Variants in CYP1A2 observed in about 807,000 individuals in gnomAD.
The protein encoded by CYP1A2 is cytochrome P450 1A2.
Under a neutral mutation model 34.7 loss-of-function variants are expected in CYP1A2, and 35 were observed. The ratio of observed to expected loss-of-function variants is 1.01; its 90% CI spans 0.77 to 1.34. The LOEUF is 1.34. Among genes scored for constraint, CYP1A2 ranks in the 40% most tolerant of loss-of-function variants. CYP1A2 has a pLI of 0.00. For synonymous variants in CYP1A2, 288 were observed against 281.9 expected (o/e 1.02, Z -0.22); for missense variants, 675 against 675.8 (o/e 1.00, Z 0.01).
chr15:74,752,041 G>C (rs1269150457), intron 4 of CYP1A2, 83 bp from the exon 5 acceptor site: 1 of 1,584,710 alleles, frequency 6.3e-7, no homozygotes, highest in East Asian at 2.2e-5. Context: ...TCTTACATAA[G>C]AGTGACATGG....
chr15:74,754,921 G>T lies in CYP1A2; in HGVS notation c.1384G>T (p.Val462Phe). The T allele has an allele frequency of 1.9e-6, 3 of 1,614,272 alleles. No homozygotes were observed. Among genetic ancestry groups the T allele is most frequent in the African/African-American group, 1.3e-5 (1 of 75,068 alleles). Residue 462 changes from valine (V) to phenylalanine (F), a missense_variant, in exon 7 of 7, where the codon GTC becomes TTC. By Grantham distance (50) the Val-to-Phe change is conservative. Coordinates refer to ENST00000343932, the MANE Select transcript of CYP1A2 (RefSeq NM_000761.5). ...GGGCAAGCGCCGGTGTATCGGGGAA[G>T]TCCTGGCCAAGTGGGAGATCTTCCT... ...GMGKRRCIGEVLAKWEIFLFL... is the reference protein window; with the variant it reads ...GMGKRRCIGEFLAKWEIFLFL...
chr15:74,750,916 G>A (rs548871877), intron 2 of CYP1A2, among the ~76,000 whole-genome samples: 1 of 152,200 alleles, frequency 6.6e-6, no homozygotes, highest in Non-Finnish European at 1.5e-5. Flanking sequence ...CTGGTGTCAC[G>A]TTGCTTCCCT....
At position 74,750,179 on chromosome 15, in the gene CYP1A2, C is replaced by T. The variant is rs768884287; in HGVS notation, c.441C>T (p.Phe147=). 1 of 1,614,182 alleles carries T rather than the reference C, an allele frequency of 6.2e-7. No individual in the cohort carries two copies. Among genetic ancestry groups the T allele is most frequent in the Non-Finnish European group, 8.5e-7 (1 of 1,180,038 alleles). ...RRLAQNALNT[F]SIASDPASSS... is the part of the protein sequence containing the mutation. ...TGGCCCAGAATGCCCTCAACACCTT[C>T]TCCATCGCCTCTGACCCAGCTTCCT... Residue 147 remains phenylalanine, a synonymous_variant, in exon 2 of 7, where the codon TTC becomes TTT. Transcript: ENST00000343932.
chr15:74,751,154 G>A (rs764355637), intron 2 of CYP1A2, 35 bp from the exon 3 acceptor site: 12 of 1,611,978 alleles, frequency 7.4e-6, no homozygotes, highest in Non-Finnish European at 9.3e-6. Flanking sequence ...GACCTTGGAA[G>A]TGCCAGAGGT....
In CYP1A2 at chr15:74,755,110, G is replaced by T. The variant is rs747268133; in HGVS notation, c.*22G>T. On this transcript the variant is annotated 3_prime_UTR_variant, in exon 7 of 7. Transcript: ENST00000343932. ...TTGAAGAAGACACCACCATTCTGAGGCCAGGGAGCGAGTGGGGGCCAGCCA... is the reference window on the plus strand; with the variant it reads ...TTGAAGAAGACACCACCATTCTGAGTCCAGGGAGCGAGTGGGGGCCAGCCA... 1.4e-5 allele frequency: 23 copies of T among 1,589,078 alleles called. No homozygotes were observed. The highest frequency in any genetic ancestry group is 1.9e-5 in the Non-Finnish European group (22 of 1,166,538).
chr15:74,750,198 G>C lies in CYP1A2; in HGVS notation c.460G>C (p.Ala154Pro). ...CACCTTCTCCATCGCCTCTGACCCAGCTTCCTCATCCTCCTGCTACCTGGA... is the reference window on the plus strand; with the variant it reads ...CACCTTCTCCATCGCCTCTGACCCACCTTCCTCATCCTCCTGCTACCTGGA... ...LNTFSIASDP[A>P]SSSSCYLEEH... The change falls in exon 2 of 7, where the codon GCT becomes CCT. Residue 154 changes from alanine (A) to proline (P), a missense_variant. Ala to Pro is a conservative substitution (Grantham distance 27). Transcript: ENST00000343932. The C allele has an allele frequency of 6.2e-7, 1 of 1,614,170 alleles. No individual in the cohort carries two copies. The highest frequency in any genetic ancestry group is 8.5e-7 in the Non-Finnish European group (1 of 1,180,032).
chr15:74,754,539 T>C (rs1232045231), intron 6 of CYP1A2, among the ~76,000 whole-genome samples: 1 of 143,290 alleles, frequency 7.0e-6, no homozygotes, highest in African/African-American at 2.6e-5. Context: ...GCAGAGAGAG[T>C]GCAGTGAGCT....
Position 74,755,461 on chromosome 15 carries a change from T to TTG in CYP1A2, c.*373_*374insTG, listed in dbSNP as rs2063334515. On this transcript the variant is annotated 3_prime_UTR_variant, in exon 7 of 7. Transcript: ENST00000343932. ...ATAATTCACCTTCTTTTTTTTTTTT[T>TTG]GTCTGAGACAGAATCTCAGTCTGTC... The TTG allele has an allele frequency of 1.2e-5, 2 of 162,768 alleles. No individual in the cohort carries two copies. Among genetic ancestry groups the TTG allele is most frequent in the Non-Finnish European group, 2.7e-5 (2 of 74,738 alleles). The allele number at this position is 162,768 out of a possible 1,614,324, so 10.1% of individuals were successfully genotyped here.
intron 6 of CYP1A2, among the ~76,000 whole-genome samples, chr15:74,754,371 G>A (rs928039526): frequency 1.2e-4 from 18 of 148,814 alleles, no homozygotes; most frequent in African/African-American, 4.0e-4. Flanking sequence ...TTGGGAGTCC[G>A]AGGAAGGTGG....
intron 3 of CYP1A2, 134 bp from the exon 4 acceptor site, chr15:74,751,631 C>T: frequency 1.2e-5 from 11 of 912,428 alleles, no homozygotes; most frequent in South Asian, 5.0e-5. Flanking sequence ...GAGACCCAGC[C>T]TCTGTCTTCA....
At position 74,754,800 on chromosome 15, in the gene CYP1A2, G is replaced by A; in HGVS notation, c.1263G>A (p.Trp421Ter). The change falls in exon 7 of 7, where the codon TGG (tryptophan) becomes TGA (stop). Residue 421 changes from tryptophan (W) to a stop codon, truncating the protein, a stop_gained. Transcript: ENST00000343932. LOFTEE classifies it low-confidence loss of function (END_TRUNC). ...TCTGTTCCTCTTGCAGAGAGCTGTGGGAGGACCCCTCTGAGTTCCGGCCTG... is the reference window on the plus strand; with the variant it reads ...TCTGTTCCTCTTGCAGAGAGCTGTGAGAGGACCCCTCTGAGTTCCGGCCTG... ...QWQVNHDPEL[W>*]EDPSEFRPER... The A allele has an allele frequency of 6.2e-7, 1 of 1,611,660 alleles. No individual in the cohort carries two copies. The highest frequency in any genetic ancestry group is 1.1e-5 in the South Asian group (1 of 91,064).
Position 74,750,425 on chromosome 15 carries a change from T to G in CYP1A2, c.687T>G (p.Thr229=), listed in dbSNP as rs2063309233. 5 of 1,614,070 alleles carry G rather than the reference T, an allele frequency of 3.1e-6. No individual in the cohort carries two copies. The East Asian group carries it at 1.1e-4, about 36-fold the overall frequency. Residue 229 remains threonine, a synonymous_variant, in exon 2 of 7, where the codon ACT becomes ACG. Transcript: ENST00000343932. ...LVKNTHEFVE[T]ASSGNPLDFF... is the part of the protein sequence containing the mutation. ...AGAACACTCATGAGTTCGTGGAGAC[T>G]GCCTCCTCCGGGAACCCCCTGGACT...
rs550827905 is a variant in CYP1A2, at chr15:74,755,044, C to T, written c.1507C>T (p.Arg503Cys). 11 of 1,613,750 alleles carry T rather than the reference C, an allele frequency of 6.8e-6. No individual in the cohort carries two copies. Among genetic ancestry groups the T allele is most frequent in the South Asian group, 1.1e-5 (1 of 91,090 alleles). Residue 503 changes from arginine (R) to cysteine (C), a missense_variant, in exon 7 of 7, where the codon CGC becomes TGC. Arg to Cys is a radical substitution (Grantham distance 180). Coordinates refer to ENST00000343932, the MANE Select transcript of CYP1A2 (RefSeq NM_000761.5). ...CTACGGGCTGACCATGAAGCACGCC[C>T]GCTGTGAACATGTCCAGGCGCGGCT... is the stretch of plus-strand genomic sequence containing the variant. ...PIYGLTMKHA[R>C]CEHVQARLRF... is the part of the protein sequence containing the mutation.
rs539369017 is a variant in CYP1A2 at position 74,755,137 on chromosome 15, G to A, written c.*49G>A. 34 of 1,570,404 alleles carry A rather than the reference G, an allele frequency of 2.2e-5. No individual in the cohort carries two copies. Among genetic ancestry groups the A allele is most frequent in the South Asian group, 2.1e-4 (19 of 89,242 alleles). ...CAGGGAGCGAGTGGGGGCCAGCCAC[G>A]GGGACTCAGCCCTTGTTTCTCTTCC... On this transcript the variant is annotated 3_prime_UTR_variant, in exon 7 of 7. Coordinates refer to ENST00000343932, the MANE Select transcript of CYP1A2 (RefSeq NM_000761.5).
intron 5 of CYP1A2, 106 bp from the exon 6 acceptor site, chr15:74,753,078 G>A (rs1238304000): frequency 1.3e-6 from 1 of 753,808 alleles, no homozygotes; most frequent in African/African-American, 1.7e-5. Flanking sequence ...CCCAGTGTAG[G>A]GATGGAGATG....
Position 74,749,941 on chromosome 15 carries a change from T to A in CYP1A2, c.203T>A (p.Met68Lys). The A allele has an allele frequency of 6.2e-7, 1 of 1,613,250 alleles. No homozygotes were observed. Among genetic ancestry groups the A allele is most frequent in the South Asian group, 1.1e-5 (1 of 91,016 alleles). The change falls in exon 2 of 7, where the codon ATG (methionine) becomes AAG (lysine). Residue 68 changes from methionine to lysine, a missense_variant. Physicochemically the swap from Met to Lys is moderately conservative, Grantham distance 95. Transcript: ENST00000343932. The part of the protein sequence containing the change: ...GKNPHLALSR[M>K]SQRYGDVLQI... ...AACCCGCACCTGGCACTGTCAAGGA[T>A]GAGCCAGCGCTACGGGGACGTCCTG...
At position 74,751,092 on chromosome 15, in the gene CYP1A2, G is replaced by C. The variant is rs576229861; in HGVS notation, c.832-97G>C. 5.1e-5 allele frequency: 78 copies of C among 1,517,004 alleles called. No individual in the cohort carries two copies. The African/African-American group carries it at 1.1e-3, about 21-fold the overall frequency. The allele number at this position is 1,517,004 out of a possible 1,614,324, so 94.0% of individuals were successfully genotyped here. A position where few individuals can be genotyped will look rare whatever the true frequency, so the allele number is the denominator to read the frequency against. On this transcript the variant is annotated intron_variant, in intron 2 of 6. Coordinates refer to ENST00000343932, the MANE Select transcript of CYP1A2 (RefSeq NM_000761.5). ...AGAGACCAAGTTGGGAGGATAGGGG[G>C]GTACCCAGCCACCAGGTACAGGCCA...
chr15:74,753,414 T>C, intron 6 of CYP1A2, 144 bp downstream of exon 6: 2 of 640,664 alleles, frequency 3.1e-6, no homozygotes, highest in Non-Finnish European at 5.3e-6. Flanking sequence ...TTACAAAAGT[T>C]TCACAAACTT....
intron 2 of CYP1A2, among the ~76,000 whole-genome samples, chr15:74,750,884 C>T (rs1329962758): frequency 6.6e-6 from 1 of 152,230 alleles, no homozygotes; most frequent in African/African-American, 2.4e-5. Context: ...ACCTAAACCC[C>T]AACAGAGGCT....
Sources: gnomAD v4.1 joint callset for allele counts (sites outside exome capture counted in the v4.1 genomes callset) on GRCh38, gnomAD v4.1.1 for gene constraint, MANE v1.5 for transcripts, NCBI Gene and HGNC (gene_info 2026-07-23, HGNC 2026-07-21) for gene names.